The following SLC30A8 variants were observed in gnomAD, a reference collection of about 807,000 sequenced individuals.
SLC30A8 encodes the protein solute carrier family 30 member 8, also known as proton-coupled zinc antiporter SLC30A8.
SLC30A8 carries 27 observed loss-of-function variants against 36.9 expected under a neutral mutation model. The observed-to-expected ratio is 0.73, with a 90% CI of 0.54 to 1.01. SLC30A8 has a LOEUF of 1.01. Among genes scored for constraint, SLC30A8 ranks in the 50% least tolerant of loss-of-function variants. SLC30A8 has a pLI of 0.00. For synonymous variants in SLC30A8, 164 were observed against 172.4 expected, an observed-to-expected ratio of 0.95 and a Z score of 0.38; for missense variants, 439 against 452.0, an observed-to-expected ratio of 0.97 and a Z score of 0.26.
intron 4 of SLC30A8, among the ~76,000 whole-genome samples, chr8:117,160,448 C>T (rs1419393600): frequency 3.0e-5 from 4 of 133,614 alleles, no homozygotes; most frequent in African/African-American, 6.3e-5. Context: ...CGCACATGTG[C>T]GCGCGGTGGG....
At chr8:117,154,261 C>G (rs1357507533) in intron 3 of SLC30A8, among the ~76,000 whole-genome samples, 3 of 152,132 alleles carry the variant, frequency 2.0e-5, no homozygotes, top group Non-Finnish European at 2.9e-5. Context: ...CCCCACAACC[C>G]CCACACTCTG....
At chr8:116,952,246 G>A (rs1814018297) in intron 1 of SLC30A8, among the ~76,000 whole-genome samples, 1 of 152,166 alleles carries the variant, frequency 6.6e-6, no homozygotes, top group Non-Finnish European at 1.5e-5. Flanking sequence ...TATCATGACA[G>A]GCCTCACAAG....
intron 2 of SLC30A8, among the ~76,000 whole-genome samples, chr8:117,120,223 G>A (rs1443232974): frequency 2.0e-5 from 3 of 151,764 alleles, no homozygotes; most frequent in East Asian, 1.9e-4. Context: ...AACATATTTC[G>A]TATCTGTAGT....
intron 1 of SLC30A8, among the ~76,000 whole-genome samples, chr8:117,027,061 C>T (rs1816897911): frequency 6.6e-6 from 1 of 152,138 alleles, no homozygotes; most frequent in Non-Finnish European, 1.5e-5. Context: ...GAGGCATTAT[C>T]ACTGAGTAGC....
In SLC30A8 at chr8:117,037,956, A is replaced by G. The variant is rs923555842; in HGVS notation, c.-265-1263A>G. Among the ~76,000 whole-genome samples, 5 of 152,208 alleles carry G rather than the reference A, an allele frequency of 3.3e-5. No homozygotes were observed. In the South Asian group the frequency reaches 8.3e-4, roughly 25 times the overall value. Reference sequence around the variant, plus strand: ...CTTTTGGGGAAGTAGCTCCTTAATAATTGAATTCACTGCAGATTCAGACAT... The same window carrying G: ...CTTTTGGGGAAGTAGCTCCTTAATAGTTGAATTCACTGCAGATTCAGACAT... On this transcript the variant is annotated intron_variant, in intron 1 of 10. Transcript: ENST00000427715.
chr8:117,015,862 G>A (rs1369281656), intron 1 of SLC30A8, among the ~76,000 whole-genome samples: 2 of 152,134 alleles, frequency 1.3e-5, no homozygotes, highest in Non-Finnish European at 2.9e-5. Flanking sequence ...TTACAACCTG[G>A]TACATTGGGG....
intron 2 of SLC30A8, among the ~76,000 whole-genome samples, chr8:117,061,112 T>G (rs1221351430): frequency 6.6e-6 from 1 of 152,228 alleles, no homozygotes; most frequent in Non-Finnish European, 1.5e-5. Flanking sequence ...TGGAAGAGTA[T>G]AAATTGATGA....
At chr8:117,152,461 A>G (rs995539812) in intron 2 of SLC30A8, among the ~76,000 whole-genome samples, 30 of 152,132 alleles carry the variant, frequency 2.0e-4, no homozygotes, top group Non-Finnish European at 2.4e-4. Flanking sequence ...GGTGGATAAT[A>G]TATATTAATA....
chr8:117,092,939 CTTGTAT>C (rs1819194070), intron 2 of SLC30A8, among the ~76,000 whole-genome samples: 2 of 152,162 alleles, frequency 1.3e-5, no homozygotes, highest in African/African-American at 4.8e-5. Flanking sequence ...CATAGTATAG[CTTGTAT>C]TCCTTTGGGA....
intron 1 of SLC30A8, chr8:117,007,198 A>G (rs1314290711): frequency 3.3e-5 from 5 of 151,814 alleles, no homozygotes; most frequent in Non-Finnish European, 4.4e-5. Context: ...TAGGTAGACA[A>G]CTGTCTTACT....
intron 2 of SLC30A8, among the ~76,000 whole-genome samples, chr8:117,121,961 TAA>T (rs902540327): frequency 1.2e-4 from 18 of 152,052 alleles, no homozygotes; most frequent in African/African-American, 3.9e-4. Context: ...AAAAATTTCT[TAA>T]GAGAGTAGGT....
intron 2 of SLC30A8, among the ~76,000 whole-genome samples, chr8:117,151,575 G>A (rs964100396): frequency 2.0e-5 from 3 of 152,180 alleles, no homozygotes; most frequent in African/African-American, 7.2e-5. Flanking sequence ...TCCAAAGCAA[G>A]CCCTTTTTCT....
chr8:117,138,032 G>T (rs980271391), intron 1 of SLC30A8, among the ~76,000 whole-genome samples: 17 of 140,510 alleles, frequency 1.2e-4, no homozygotes, highest in African/African-American at 4.5e-4. Context: ...TCATTGGTGG[G>T]ATTCTCTGGG....
At chr8:116,958,255 C>T (rs187110538) in intron 1 of SLC30A8, among the ~76,000 whole-genome samples, 3 of 152,034 alleles carry the variant, frequency 2.0e-5, no homozygotes, top group Admixed American at 1.3e-4. Flanking sequence ...GTGGTTATGG[C>T]GTTTTCTAGT....
chr8:117,046,011 C>T (rs1817539700), intron 2 of SLC30A8, among the ~76,000 whole-genome samples: 1 of 150,820 alleles, frequency 6.6e-6, no homozygotes, highest in Non-Finnish European at 1.5e-5. Context: ...TTATGCTGGG[C>T]TGTCAACATC....
intron 5 of SLC30A8, among the ~76,000 whole-genome samples, chr8:117,162,454 G>A (rs1822842035): frequency 6.6e-6 from 1 of 152,062 alleles, no homozygotes; most frequent in South Asian, 2.1e-4. Context: ...AAGCCAAGGT[G>A]CTAATGAAAA....
At chr8:116,950,710 A>C (rs376425762), upstream of SLC30A8, 1 of 152,216 alleles carries the variant, frequency 6.6e-6, no homozygotes, top group East Asian at 1.9e-4. Flanking sequence ...TGCAGGATTC[A>C]GTCTGGGACT....
chr8:116,967,342 T>C (rs141784490), intron 1 of SLC30A8, among the ~76,000 whole-genome samples: 136 of 152,336 alleles, frequency 8.9e-4, no homozygotes, highest in African/African-American at 3.2e-3. Context: ...CTTTTCCTTA[T>C]GATTTTTAGA....
upstream of SLC30A8, among the ~76,000 whole-genome samples, chr8:117,133,678 T>C (rs183468086): frequency 2.0e-5 from 3 of 152,154 alleles, no homozygotes; most frequent in Admixed American, 2.0e-4. Context: ...CACAAATGAT[T>C]CAAGCTGTGA....
Sources: gnomAD v4.1 joint callset for allele counts (sites outside exome capture counted in the v4.1 genomes callset) on GRCh38, gnomAD v4.1.1 for gene constraint, MANE v1.5 for transcripts, NCBI Gene and HGNC (gene_info 2026-07-23, HGNC 2026-07-21) for gene names.